The following GPRC6A variants were observed in gnomAD, a reference collection of about 807,000 sequenced individuals.
GPRC6A encodes G protein-coupled receptor family C group 6 member A.
Under a neutral mutation model 47.0 loss-of-function variants are expected in GPRC6A, and 54 were observed. That is an observed-to-expected ratio of 1.15 (90% confidence interval 0.92 to 1.44). The LOEUF is 1.44. Ranked by LOEUF, GPRC6A falls within the 40% of genes most tolerant of loss-of-function variation. The pLI is 0.00. For missense variants in GPRC6A, 1,112 were observed against 1,105.5 expected, an observed-to-expected ratio of 1.01 and a Z score of -0.08; for synonymous variants, 347 against 377.1, an observed-to-expected ratio of 0.92 and a Z score of 0.93.
intron 2 of GPRC6A, among the ~76,000 whole-genome samples, 187 bp from the exon 3 acceptor site, chr6:116,807,393 A>G (rs1315928031): frequency 2.0e-5 from 3 of 152,106 alleles, no homozygotes; most frequent in African/African-American, 7.2e-5. Flanking sequence ...ATTATTTCAT[A>G]TTTTGTTTAG....
intron 4 of GPRC6A, among the ~76,000 whole-genome samples, chr6:116,798,830 C>A (rs1195041091): frequency 6.6e-6 from 1 of 151,028 alleles, no homozygotes; most frequent in Non-Finnish European, 1.5e-5. Context: ...TTGCAGTGAG[C>A]CGAGATCACG....
Position 116,806,583 on chromosome 6 carries a change from T to A in GPRC6A, c.1122A>T (p.Gln374His), listed in dbSNP as rs749306200. The A allele has an allele frequency of 1.2e-6, 2 of 1,613,606 alleles. No homozygotes were observed. Among genetic ancestry groups the A allele is most frequent in the Non-Finnish European group, 1.7e-6 (2 of 1,179,736 alleles). Residue 374 changes from glutamine (Q) to histidine (H), a missense_variant, in exon 3 of 6, where the codon CAA becomes CAT. Gln to His is a conservative substitution (Grantham distance 24, BLOSUM62 0). Transcript: ENST00000310357. ...CAYVKDTDLS[Q>H]CIFNHSQRTL... ...TCCTTTGAGAATGATTGAATATGCA[T>A]TGACTCAAATCAGTGTCCTTGACAT...
chr6:116,813,145 G>A (rs997910389), intron 1 of GPRC6A, among the ~76,000 whole-genome samples: 4 of 152,156 alleles, frequency 2.6e-5, no homozygotes, highest in Admixed American at 2.6e-4. Context: ...CATGCTCATG[G>A]ATAGAAGCAT....
chr6:116,815,919 G>A (rs555880109), intron 1 of GPRC6A, among the ~76,000 whole-genome samples: 1 of 152,360 alleles, frequency 6.6e-6, no homozygotes, highest in Admixed American at 6.5e-5. Context: ...ATTGGCTCAT[G>A]GTCCTGCAGG....
At chr6:116,816,935 T>C (rs1773236189) in intron 1 of GPRC6A, among the ~76,000 whole-genome samples, 1 of 152,026 alleles carries the variant, frequency 6.6e-6, no homozygotes, top group East Asian at 1.9e-4. Context: ...GAGATCAAAC[T>C]GCAAGGTGGC....
chr6:116,820,296 C>A (rs1411315365), intron 1 of GPRC6A, among the ~76,000 whole-genome samples: 2 of 152,170 alleles, frequency 1.3e-5, no homozygotes, highest in Admixed American at 6.5e-5. Flanking sequence ...GGAACTGGTA[C>A]CATTCCTTCT....
Position 116,795,849 on chromosome 6 carries a change from GAA to G in GPRC6A, c.1549-16_1549-15del. ...AGATTGAATTTGCTATATTAAAAGT[GAA>G]AAAAAAAATCACAAGTAAATTTGTA... On this transcript the variant is annotated splice_polypyrimidine_tract_variant and intron_variant, in intron 4 of 5. Coordinates refer to ENST00000310357, the MANE Select transcript of GPRC6A (RefSeq NM_148963.4). 3.5e-6 allele frequency: 5 copies of G among 1,448,924 alleles called. No individual in the cohort carries two copies. The highest frequency in any genetic ancestry group is 1.3e-5 in the South Asian group (1 of 75,066). 89.8% of individuals were successfully genotyped at this position (1,448,924 alleles called of 1,614,324 possible).
intron 5 of GPRC6A, among the ~76,000 whole-genome samples, chr6:116,794,619 T>C (rs1433967166): frequency 6.6e-6 from 1 of 152,204 alleles, no homozygotes; most frequent in African/African-American, 2.4e-5. Flanking sequence ...GGTGTTTTTA[T>C]TTCTCTCACT....
upstream of GPRC6A, chr6:116,829,201 C>A: frequency 4.8e-6 from 1 of 206,662 alleles, no homozygotes; most frequent in Non-Finnish European, 8.5e-6. Flanking sequence ...AGAACACAGG[C>A]TTTTTAACAC....
In GPRC6A at chr6:116,806,530, A is replaced by G; in HGVS notation, c.1175T>C (p.Ile392Thr). ...ATTTCTCATGACGAAGTTCCTTTCT[A>G]TAGCCTTGTTAGCCTTGTAGGCCAA... is the stretch of plus-strand genomic sequence containing the variant. Reference protein sequence around the residue: ...RTLAYKANKAIERNFVMRNDF... With the variant: ...RTLAYKANKATERNFVMRNDF... Residue 392 changes from isoleucine (I) to threonine (T), a missense_variant, in exon 3 of 6, where the codon ATA becomes ACA. By Grantham distance (89) the Ile-to-Thr change is moderately conservative. Coordinates refer to ENST00000310357, the MANE Select transcript of GPRC6A (RefSeq NM_148963.4). 6.2e-7 allele frequency: 1 copy of G among 1,613,616 alleles called. No individual in the cohort carries two copies. Among genetic ancestry groups the G allele is most frequent in the Non-Finnish European group, 8.5e-7 (1 of 1,179,744 alleles).
chr6:116,829,106 T>G, upstream of GPRC6A: 1 of 1,482,662 alleles, frequency 6.7e-7, no homozygotes, highest in Non-Finnish European at 9.0e-7. Flanking sequence ...TGTAAACACC[T>G]TATAAGGTAT....
intron 1 of GPRC6A, among the ~76,000 whole-genome samples, chr6:116,823,985 C>A (rs981602284): frequency 4.6e-5 from 7 of 152,050 alleles, no homozygotes; most frequent in Non-Finnish European, 1.0e-4. Flanking sequence ...ATCCAATCAC[C>A]TCCTACCAGG....
chr6:116,792,297 C>G lies in GPRC6A; in HGVS notation c.2626G>C (p.Gly876Arg). The G allele has an allele frequency of 6.2e-7, 1 of 1,613,992 alleles. No homozygotes were observed. Among genetic ancestry groups the G allele is most frequent in the Non-Finnish European group, 8.5e-7 (1 of 1,179,950 alleles). The change falls in exon 6 of 6, where the codon GGC becomes CGC. Residue 876 changes from glycine (G) to arginine (R), a missense_variant. Transcript: ENST00000310357. ...LSPASLDSMS[G>R]NVTMTNPSSS... ...CTGGGATTGGTCATTGTGACATTGCCGCTCATGGAGTCCAGTGAAGCAGGA... is the reference window on the plus strand; with the variant it reads ...CTGGGATTGGTCATTGTGACATTGCGGCTCATGGAGTCCAGTGAAGCAGGA...
chr6:116,811,400 G>C (rs1773020008), intron 1 of GPRC6A, among the ~76,000 whole-genome samples: 1 of 151,710 alleles, frequency 6.6e-6, no homozygotes, highest in Admixed American at 6.6e-5. Flanking sequence ...GAAAAAGCCA[G>C]GAAAATGACA....
At chr6:116,806,325 G>T (rs778121486) in intron 3 of GPRC6A, 45 bp downstream of exon 3, 1 of 1,237,696 alleles carries the variant, frequency 8.1e-7, no homozygotes, top group Non-Finnish European at 1.2e-6. Context: ...AGGAAATGGG[G>T]AAAATGATGG....
intron 1 of GPRC6A, among the ~76,000 whole-genome samples, chr6:116,811,536 A>T (rs1177693344): frequency 6.6e-6 from 1 of 152,150 alleles, no homozygotes; most frequent in Non-Finnish European, 1.5e-5. Context: ...ATGAAATTCC[A>T]GAAAAAGAAT....
intron 1 of GPRC6A, among the ~76,000 whole-genome samples, chr6:116,810,653 A>G (rs1772991840): frequency 6.6e-6 from 1 of 151,830 alleles, no homozygotes; most frequent in African/African-American, 2.4e-5. Flanking sequence ...ATATTCAAAT[A>G]GCTTAATTTA....
Position 116,792,766 on chromosome 6 carries a change from G to A in GPRC6A, c.2157C>T (p.Cys719=), listed in dbSNP as rs758755067. ...FTCTGIQVVI[C]TLWLIFAAPT... ...GTGCTGCAAAGATTAGCCAGAGTGT[G>A]CAAATGACAACCTGGATGCCCGTGC... Residue 719 remains cysteine, a synonymous_variant, in exon 6 of 6, where the codon TGC becomes TGT. Coordinates refer to ENST00000310357, the MANE Select transcript of GPRC6A (RefSeq NM_148963.4). 4 of 1,613,970 alleles carry A rather than the reference G, an allele frequency of 2.5e-6. No homozygotes were observed. The South Asian group carries it at 4.4e-5, about 18-fold the overall frequency.
chr6:116,798,712 G>A (rs991813156), intron 4 of GPRC6A, among the ~76,000 whole-genome samples: 7 of 151,604 alleles, frequency 4.6e-5, no homozygotes, highest in Non-Finnish European at 7.4e-5. Context: ...GTTAAACCTC[G>A]TCTCTACTAA....
Sources: allele counts gnomAD v4.1 joint callset (sites outside exome capture counted in the v4.1 genomes callset), GRCh38; gene constraint gnomAD v4.1.1; transcripts MANE v1.5; gene names NCBI Gene and HGNC (gene_info 2026-07-23, HGNC 2026-07-21).